Variants in WASF3 observed in about 807,000 individuals in gnomAD.
The protein encoded by WASF3 is WASP family member 3.
A neutral mutation model predicts 46.6 loss-of-function variants in WASF3; 11 were observed. The observed-to-expected ratio is 0.24, with a 90% CI of 0.15 to 0.39. The LOEUF (loss-of-function observed/expected upper bound fraction) is 0.39, where lower values mean the gene tolerates loss of function less well. Among genes scored for constraint, WASF3 ranks in the 10% least tolerant of loss-of-function variants. WASF3 has a pLI of 1.00. For missense variants in WASF3, 576 were observed against 669.8 expected (o/e 0.86, Z 1.55); for synonymous variants, 242 against 259.7 (o/e 0.93, Z 0.65).
the WASF3 span, among the ~76,000 whole-genome samples, chr13:26,543,825 G>A: frequency 2.0e-5 from 3 of 152,130 alleles, no homozygotes; most frequent in African/African-American, 7.2e-5. Flanking sequence ...ATTGGCAATC[G>A]AGTGGAAAAC....
chr13:26,574,480 ATTATTT>A (rs1879733044), intron 1 of WASF3, among the ~76,000 whole-genome samples: 1 of 151,256 alleles, frequency 6.6e-6, no homozygotes, highest in South Asian at 2.1e-4. Context: ...TTTTTGTCTG[ATTATTT>A]TTATTCACCT....
chr13:26,544,560 C>T, the WASF3 span, among the ~76,000 whole-genome samples: 1 of 152,168 alleles, frequency 6.6e-6, no homozygotes, highest in Non-Finnish European at 1.5e-5. Context: ...AGAGTGACTA[C>T]TAAGAATAGA....
chr13:26,625,900 C>T (rs534719795), intron 2 of WASF3, among the ~76,000 whole-genome samples: 9 of 151,776 alleles, frequency 5.9e-5, no homozygotes, highest in Non-Finnish European at 1.2e-4. Context: ...CTATGAAAAA[C>T]GTAAAAAGAA....
intron 2 of WASF3, among the ~76,000 whole-genome samples, chr13:26,630,575 T>C (rs1881621070): frequency 6.6e-6 from 1 of 152,222 alleles, no homozygotes; most frequent in East Asian, 1.9e-4. Context: ...GACATTTGGG[T>C]TGGTTCCAAG....
intron 1 of WASF3, among the ~76,000 whole-genome samples, chr13:26,606,321 CGTGTGT>C (rs60865367): frequency 0.1 from 13,731 of 131,900 alleles, 744 homozygotes; most frequent in Middle Eastern, 0.13. Flanking sequence ...TCTTTTTTTT[CGTGTGT>C]GTGTGTGTGT....
chr13:26,568,268 G>T (rs1879532911), intron 1 of WASF3, among the ~76,000 whole-genome samples: 1 of 152,108 alleles, frequency 6.6e-6, no homozygotes, highest in South Asian at 2.1e-4. Flanking sequence ...AAGGTAGAAG[G>T]TGGGTGTCTG....
In WASF3 at chr13:26,676,828, G is replaced by A. The variant is rs1353365663; in HGVS notation, c.716+104G>A. ...CATCAATAGCTTCGGGGTTTATATG[G>A]CCCTTGATGTCTTAAGATTTTCCTT... On this transcript the variant is annotated intron_variant, in intron 7 of 9. Transcript: ENST00000335327. 6.4e-6 allele frequency: 7 copies of A among 1,091,272 alleles called. No individual in the cohort carries two copies. The Admixed American group carries it at 1.4e-4, about 22-fold the overall frequency. 67.6% of individuals were successfully genotyped at this position (1,091,272 alleles called of 1,614,324 possible).
At chr13:26,612,838 A>G (rs1338619723) in intron 1 of WASF3, 123 bp from the exon 2 acceptor site, 1 of 152,226 alleles carries the variant, frequency 6.6e-6, no homozygotes, top group Non-Finnish European at 1.5e-5. Flanking sequence ...ATTAAAAAAG[A>G]ACTAGTTCAG....
intron 1 of WASF3, among the ~76,000 whole-genome samples, chr13:26,586,447 A>G (rs1464579035): frequency 6.6e-6 from 1 of 152,156 alleles, no homozygotes; most frequent in Non-Finnish European, 1.5e-5. Flanking sequence ...GAGTTCCTAT[A>G]TATACTGCCA....
At position 26,599,108 on chromosome 13, in the gene WASF3, C is replaced by T. The variant is rs537468180; in HGVS notation, c.-108-13853C>T. ...AACTCCTGACCTCGGGTGATTCACC[C>T]GTCTTGGTCTCCCAAAGTGCTGGGA... On this transcript the variant is annotated intron_variant, in intron 1 of 9. Coordinates refer to ENST00000335327, the MANE Select transcript of WASF3 (RefSeq NM_006646.6). 9.9e-5 allele frequency among the ~76,000 whole-genome samples: 15 copies of T among 151,662 alleles called. No individual in the cohort carries two copies. The South Asian group carries it at 2.3e-3, about 23-fold the overall frequency.
chr13:26,591,697 G>A (rs1458497298), intron 1 of WASF3, among the ~76,000 whole-genome samples: 1 of 152,150 alleles, frequency 6.6e-6, no homozygotes, highest in Non-Finnish European at 1.5e-5. Flanking sequence ...CAGTTTCAAA[G>A]TTCATGGAAG....
chr13:26,659,705 T>TTTCAGAGCAG (rs1882569220), intron 3 of WASF3, among the ~76,000 whole-genome samples: 1 of 152,088 alleles, frequency 6.6e-6, no homozygotes, highest in Non-Finnish European at 1.5e-5. Flanking sequence ...CCTGGATATA[T>TTTCAGAGCAG]TCTGAAAATG....
chr13:26,667,945 T>C lies in WASF3; in HGVS notation c.422+275T>C, dbSNP rs80108406. Among the ~76,000 whole-genome samples the C allele has an allele frequency of 3.3e-3, 504 of 152,338 alleles. 4 individuals are homozygous for C. Among genetic ancestry groups the C allele is most frequent in the African/African-American group, 0.012 (482 of 41,584 alleles). On this transcript the variant is annotated intron_variant, in intron 5 of 9. Transcript: ENST00000335327. Reference sequence around the variant, plus strand: ...AACTTTTAGATGTAGCTACCTTAAGTAGAAGTGAGTAAGTTGCATAACAGT... The same window carrying C: ...AACTTTTAGATGTAGCTACCTTAAGCAGAAGTGAGTAAGTTGCATAACAGT...
intron 1 of WASF3, among the ~76,000 whole-genome samples, chr13:26,562,461 T>G (rs1879322437): frequency 6.6e-6 from 1 of 152,076 alleles, no homozygotes; most frequent in African/African-American, 2.4e-5. Flanking sequence ...GCCCAGCATG[T>G]GTAGACAGCA....
intron 1 of WASF3, among the ~76,000 whole-genome samples, chr13:26,572,634 C>T (rs762972905): frequency 5.1e-4 from 78 of 152,196 alleles, no homozygotes; most frequent in Middle Eastern, 6.8e-3. Flanking sequence ...GGCACGATCT[C>T]GGCTCACTGC....
Position 26,642,264 on chromosome 13 carries a change from G to A in WASF3, c.-7G>A, listed in dbSNP as rs1278110871. The A allele has an allele frequency of 1.3e-6, 2 of 1,549,030 alleles. No individual in the cohort carries two copies. The highest frequency in any genetic ancestry group is 1.4e-5 in the African/African-American group (1 of 71,352). On this transcript the variant is annotated 5_prime_UTR_variant, in exon 3 of 10. In the 5' UTR this introduces an upstream ATG that the reference lacks. Coordinates refer to ENST00000335327, the MANE Select transcript of WASF3 (RefSeq NM_006646.6). ...AGAATGTGTTTTCAATTTTCAGATT[G>A]TGAACCATGCCTTTAGTGAAGAGGA...
chr13:26,611,672 A>G (rs1880984065), intron 1 of WASF3, among the ~76,000 whole-genome samples: 1 of 152,176 alleles, frequency 6.6e-6, no homozygotes, highest in South Asian at 2.1e-4. Context: ...TAAGGTGATC[A>G]CTTATGCAGA....
intron 1 of WASF3, among the ~76,000 whole-genome samples, chr13:26,600,802 C>T (rs1432097894): frequency 6.6e-6 from 1 of 152,110 alleles, no homozygotes; most frequent in Non-Finnish European, 1.5e-5. Context: ...AACACTGTCG[C>T]AGCACTGTAG....
chr13:26,568,864 C>G (rs2137150082), intron 1 of WASF3, among the ~76,000 whole-genome samples: 1 of 152,304 alleles, frequency 6.6e-6, no homozygotes, highest in South Asian at 2.1e-4. Flanking sequence ...CCCCGTATGC[C>G]TGGCAGTATG....
Sources: allele counts gnomAD v4.1 joint callset (sites outside exome capture counted in the v4.1 genomes callset), GRCh38; gene constraint gnomAD v4.1.1; transcripts MANE v1.5; gene names NCBI Gene and HGNC (gene_info 2026-07-23, HGNC 2026-07-21).